Variants in GMNN observed in about 807,000 individuals in gnomAD.
GMNN encodes the protein geminin DNA replication inhibitor, also known as geminin.
Under a neutral mutation model 20.9 loss-of-function variants are expected in GMNN, and 14 were observed. That is an observed-to-expected ratio of 0.67 (90% CI 0.44 to 1.05). The LOEUF is 1.05. Ranked by LOEUF, GMNN falls within the 50% of genes least tolerant of loss-of-function variation. The pLI is 0.00. For synonymous variants in GMNN, 81 were observed against 85.8 expected (o/e 0.94, Z 0.31); for missense variants, 227 against 243.8 (o/e 0.93, Z 0.46).
At chr6:24,780,986 A>G (rs1267153974) in intron 3 of GMNN, among the ~76,000 whole-genome samples, 2 of 152,286 alleles carry the variant, frequency 1.3e-5, no homozygotes, top group East Asian at 1.9e-4. Flanking sequence ...GGATCGCCTG[A>G]GGTCAGGAGC....
intron 2 of GMNN, among the ~76,000 whole-genome samples, chr6:24,778,613 T>A (rs895365775): frequency 1.3e-5 from 2 of 150,862 alleles, no homozygotes; most frequent in African/African-American, 5.0e-5. Flanking sequence ...TTTCTTAGGA[T>A]TCTTACAATA....
chr6:24,784,300 C>G, intron 5 of GMNN, 131 bp downstream of exon 5: 1 of 686,612 alleles, frequency 1.5e-6, no homozygotes, highest in Non-Finnish European at 2.6e-6. Context: ...AAAGGCAGCT[C>G]TTGACAATTA....
intron 2 of GMNN, among the ~76,000 whole-genome samples, chr6:24,778,159 C>T (rs1406168482): frequency 6.6e-6 from 1 of 152,000 alleles, no homozygotes; most frequent in African/African-American, 2.4e-5. Context: ...ATATGAATAC[C>T]TTGGGAATTG....
intron 2 of GMNN, 31 bp downstream of exon 2, chr6:24,777,328 T>C: frequency 1.2e-6 from 1 of 853,160 alleles, no homozygotes. Flanking sequence ...AATTTTTTTT[T>C]GTAGAAAGCA....
Position 24,775,074 on chromosome 6 carries a change from C to T in GMNN, c.-196C>T, listed in dbSNP as rs1689015281. 6.6e-6 allele frequency: 1 copy of T among 152,400 alleles called. No homozygotes were observed. The highest frequency in any genetic ancestry group is 6.5e-5 in the Admixed American group (1 of 15,288). 9.4% of individuals were successfully genotyped at this position (152,400 alleles called of 1,614,324 possible). On this transcript the variant is annotated 5_prime_UTR_variant, in exon 1 of 7. Transcript: ENST00000230056. ...CTTTTGCGAGGTGCTGCAGCCATAG[C>T]TACGTGCGTTCGCTACGAGGATTGA... is the stretch of plus-strand genomic sequence containing the variant.
rs912711583 is a variant in GMNN, at chr6:24,781,493, C to G, written c.146C>G (p.Ser49Cys). ...GRENELSAGL[S>C]KRKHRNDHLT... ...TCATTATAGCTGTCCGCAGGCTTGT[C>G]CAAAAGGAAACATCGGAATGACCAC... The change falls in exon 4 of 7, where the codon TCC becomes TGC. Residue 49 changes from serine (S) to cysteine (C), a missense_variant. Coordinates refer to ENST00000230056, the MANE Select transcript of GMNN (RefSeq NM_015895.5). The G allele has an allele frequency of 6.3e-7, 1 of 1,598,350 alleles. No individual in the cohort carries two copies. The highest frequency in any genetic ancestry group is 2.2e-5 in the East Asian group (1 of 44,654).
At chr6:24,784,221 G>A in intron 5 of GMNN, 52 bp downstream of exon 5, 1 of 958,778 alleles carries the variant, frequency 1.0e-6, no homozygotes, top group Non-Finnish European at 1.7e-6. Flanking sequence ...GGATTGTTTT[G>A]CTGCTTAGCA....
At chr6:24,780,377 T>C (rs1322870121) in intron 2 of GMNN, among the ~76,000 whole-genome samples, 1 of 152,350 alleles carries the variant, frequency 6.6e-6, no homozygotes, top group East Asian at 1.9e-4. Context: ...TGAGAGAAGT[T>C]ACGTGTGTTT....
In GMNN at chr6:24,780,682, G is replaced by A. The variant is rs767207623; in HGVS notation, c.71G>A (p.Arg24Lys). The change falls in exon 3 of 7, where the codon AGA becomes AAA. Residue 24 changes from arginine (R) to lysine (K), a missense_variant. Transcript: ENST00000230056. Reference protein sequence around the residue: ...ENIKNSSVPRRTLKMIQPSAS... With the variant: ...ENIKNSSVPRKTLKMIQPSAS... ...TTTTAGAATAGTTCTGTCCCAAGAAGAACTCTGAAGATGATTCAGCCTTCT... is the reference window on the plus strand; with the variant it reads ...TTTTAGAATAGTTCTGTCCCAAGAAAAACTCTGAAGATGATTCAGCCTTCT... 7.5e-6 allele frequency: 12 copies of A among 1,591,740 alleles called. No homozygotes were observed. In the East Asian group the frequency reaches 2.7e-4, roughly 36 times the overall value.
intron 6 of GMNN, 94 bp from the exon 7 acceptor site, chr6:24,785,544 A>C: frequency 1.8e-6 from 1 of 562,852 alleles, no homozygotes; most frequent in Non-Finnish European, 3.1e-6. Context: ...TCTCATAGCT[A>C]TATCAGTATG....
At chr6:24,781,080 A>G (rs9467312) in intron 3 of GMNN, among the ~76,000 whole-genome samples, 11,049 of 152,020 alleles carry the variant, frequency 0.073, 1,160 homozygotes, top group African/African-American at 0.22. Context: ...GCACACACCT[A>G]TAATCTCAGC....
At chr6:24,782,916 G>A (rs1780255925) in intron 4 of GMNN, among the ~76,000 whole-genome samples, 1 of 151,204 alleles carries the variant, frequency 6.6e-6, no homozygotes, top group Admixed American at 6.6e-5. Flanking sequence ...GTATATTTTA[G>A]GACTGAGCAA....
Position 24,786,069 on chromosome 6 carries a change from A to G in GMNN, c.*270A>G, listed in dbSNP as rs1451491510. The G allele has an allele frequency of 2.4e-5, 7 of 287,022 alleles. No homozygotes were observed. Among genetic ancestry groups the G allele is most frequent in the African/African-American group, 1.6e-4 (7 of 44,836 alleles). 17.8% of individuals were successfully genotyped at this position (287,022 alleles called of 1,614,324 possible). A position where few individuals can be genotyped will look rare whatever the true frequency, so the allele number is the denominator to read the frequency against. On this transcript the variant is annotated 3_prime_UTR_variant, in exon 7 of 7. Coordinates refer to ENST00000230056, the MANE Select transcript of GMNN (RefSeq NM_015895.5). The stretch of plus-strand genomic sequence containing the variant: ...TGTTGAACATTGTGTATAACTTAGA[A>G]TAATGAAATATAAGGAGTATGTGTA...
At chr6:24,778,617 T>TA (rs755281567) in intron 2 of GMNN, among the ~76,000 whole-genome samples, 7 of 150,554 alleles carry the variant, frequency 4.6e-5, no homozygotes, top group Non-Finnish European at 8.8e-5. Context: ...TTAGGATTCT[T>TA]ACAATATTTT....
rs1435216907 is a variant in GMNN at position 24,784,477 on chromosome 6, A to G, written c.391A>G (p.Ile131Val). Residue 131 changes from isoleucine to valine, a missense_variant, in exon 6 of 7, where the codon ATT becomes GTT. Transcript: ENST00000230056. ...AGAAATTGAACAAAAGGACAATGAA[A>G]TTGCCCGCCTGAAAAAGGAGAATAA... ...HKEIEQKDNE[I>V]ARLKKENKEL... 6.3e-7 allele frequency: 1 copy of G among 1,581,514 alleles called. No homozygotes were observed. Among genetic ancestry groups the G allele is most frequent in the Non-Finnish European group, 8.7e-7 (1 of 1,150,378 alleles).
At chr6:24,777,607 T>C (rs1361497698) in intron 2 of GMNN, 1 of 176,210 alleles carries the variant, frequency 5.7e-6, no homozygotes, top group Non-Finnish European at 1.2e-5. Flanking sequence ...TGAATGGAAT[T>C]GTTTCCTTAA....
Position 24,781,590 on chromosome 6 carries a change from C to A in GMNN, c.243C>A (p.Val81=). 1 of 1,528,654 alleles carries A rather than the reference C, an allele frequency of 6.5e-7. No homozygotes were observed. The allele number at this position is 1,528,654 out of a possible 1,614,324, so 94.7% of individuals were successfully genotyped here. A position where few individuals can be genotyped will look rare whatever the true frequency, so the allele number is the denominator to read the frequency against. Residue 81 remains valine, a synonymous_variant, in exon 4 of 7, where the codon GTC becomes GTA. Coordinates refer to ENST00000230056, the MANE Select transcript of GMNN (RefSeq NM_015895.5). ...GTGAAAATAAAAATCTTGGAGGAGT[C>A]ACCCAGGAGTCATTTGATCTTATGA... ...ESSENKNLGG[V]TQESFDLMIK... is the part of the protein sequence containing the mutation.
At chr6:24,784,693 C>T (rs910952217) in intron 6 of GMNN, 139 bp downstream of exon 6, 1 of 494,774 alleles carries the variant, frequency 2.0e-6, no homozygotes, top group Admixed American at 3.7e-5. Context: ...TTCCTAACAC[C>T]ATTAAGTTTG....
intron 4 of GMNN, among the ~76,000 whole-genome samples, chr6:24,782,381 TA>T (rs756115835): frequency 1.3e-5 from 2 of 152,212 alleles, no homozygotes; most frequent in Non-Finnish European, 2.9e-5. Flanking sequence ...TGATGTTTTG[TA>T]AGCATTATGG....
Sources: allele counts gnomAD v4.1 joint callset (sites outside exome capture counted in the v4.1 genomes callset), GRCh38; gene constraint gnomAD v4.1.1; transcripts MANE v1.5; gene names NCBI Gene and HGNC (gene_info 2026-07-23, HGNC 2026-07-21).